KCMF1: variants seen among roughly 807,000 people sequenced by gnomAD.
The protein encoded by KCMF1 is potassium channel modulatory factor 1, also known as E3 ubiquitin-protein ligase KCMF1.
A neutral mutation model predicts 41.1 loss-of-function variants in KCMF1; 3 were observed. That is an observed-to-expected ratio of 0.07 (90% CI 0.03 to 0.19). The LOEUF (loss-of-function observed/expected upper bound fraction) is 0.19, where lower values mean the gene tolerates loss of function less well. Among genes scored for constraint, KCMF1 ranks in the 10% least tolerant of loss-of-function variants. The pLI, the probability that KCMF1 is intolerant of heterozygous loss-of-function variation, is 1.00. For synonymous variants in KCMF1, 142 were observed against 164.5 expected (o/e 0.86, Z 1.04); for missense variants, 286 against 488.9 (o/e 0.58, Z 3.91).
chr2:85,027,885 A>T lies in KCMF1; in HGVS notation c.17-4A>T, dbSNP rs1203397351. 5 of 1,577,504 alleles carry T rather than the reference A, an allele frequency of 3.2e-6. No individual in the cohort carries two copies. The Admixed American group carries it at 9.7e-5, about 31-fold the overall frequency. On this transcript the variant is annotated splice_polypyrimidine_tract_variant and splice_region_variant and intron_variant, in intron 1 of 6. Transcript: ENST00000409785. ...GTAACTAAAGATATTTCTTTTTTTTATAGGTGTCAGCTGTGATGCATGTTT... is the reference window on the plus strand; with the variant it reads ...GTAACTAAAGATATTTCTTTTTTTTTTAGGTGTCAGCTGTGATGCATGTTT...
At chr2:84,975,055 C>T (rs1399952845) in intron 1 of KCMF1, among the ~76,000 whole-genome samples, 1 of 152,122 alleles carries the variant, frequency 6.6e-6, no homozygotes, top group Non-Finnish European at 1.5e-5. Flanking sequence ...TGTCATTTGA[C>T]ACCCCCACCA....
intron 3 of KCMF1, among the ~76,000 whole-genome samples, chr2:85,041,635 T>C (rs1675537603): frequency 1.3e-5 from 2 of 152,194 alleles, no homozygotes; most frequent in South Asian, 4.1e-4. Context: ...TATACAGCCT[T>C]ATAATATTGT....
chr2:85,059,312 A>G lies in KCMF1; in HGVS notation c.*5903A>G, dbSNP rs1158329160. 6.6e-6 allele frequency: 1 copy of G among 152,238 alleles called. No homozygotes were observed. The highest frequency in any genetic ancestry group is 1.5e-5 in the Non-Finnish European group (1 of 68,042). 9.4% of individuals were successfully genotyped at this position (152,238 alleles called of 1,614,324 possible). A position where few individuals can be genotyped will look rare whatever the true frequency, so the allele number is the denominator to read the frequency against. On this transcript the variant is annotated 3_prime_UTR_variant, in exon 7 of 7. Transcript: ENST00000409785. Reference sequence around the variant, plus strand: ...CTCACGATTCAGACTTACCTTGGAAAATATCACACTGACGATACAGTACTT... The same window carrying G: ...CTCACGATTCAGACTTACCTTGGAAGATATCACACTGACGATACAGTACTT...
At chr2:84,979,921 C>T (rs1673663897) in intron 1 of KCMF1, among the ~76,000 whole-genome samples, 1 of 151,794 alleles carries the variant, frequency 6.6e-6, no homozygotes, top group Non-Finnish European at 1.5e-5. Flanking sequence ...CTCCCGGGTT[C>T]AAGTGTTTCT....
rs1298508417 is a variant in KCMF1 at position 84,973,199 on chromosome 2, T to G, written c.16+1732T>G. The stretch of plus-strand genomic sequence containing the variant: ...CCATGGAAGAGTGTTTCAGACCCAT[T>G]CTCCTTGGTCTAAGAAAGCATACAG... On this transcript the variant is annotated intron_variant, in intron 1 of 6. Transcript: ENST00000409785. 3.9e-5 allele frequency among the ~76,000 whole-genome samples: 6 copies of G among 152,158 alleles called. No homozygotes were observed. The East Asian group carries it at 1.2e-3, about 29-fold the overall frequency.
In KCMF1 at chr2:84,993,619, A is replaced by G. The variant is rs1220942312; in HGVS notation, c.16+22152A>G. Among the ~76,000 whole-genome samples the G allele has an allele frequency of 2.6e-5, 4 of 151,486 alleles. No homozygotes were observed. The East Asian group carries it at 7.7e-4, about 29-fold the overall frequency. On this transcript the variant is annotated intron_variant, in intron 1 of 6. Coordinates refer to ENST00000409785, the MANE Select transcript of KCMF1 (RefSeq NM_020122.5). The stretch of plus-strand genomic sequence containing the variant: ...AGATGCAATTTTACTCTTGTGCCCC[A>G]GGCTGGAGTGCAATGGTGCAGTCTC...
At position 85,017,183 on chromosome 2, in the gene KCMF1, C is replaced by T. The variant is rs914107049; in HGVS notation, c.17-10706C>T. ...GGGACTACAGGCGCCCGCCACTGCGCCCGGCTAATTTTTTTTGTATTTTTA... is the reference window on the plus strand; with the variant it reads ...GGGACTACAGGCGCCCGCCACTGCGTCCGGCTAATTTTTTTTGTATTTTTA... On this transcript the variant is annotated intron_variant, in intron 1 of 6. Transcript: ENST00000409785. 8.4e-4 allele frequency among the ~76,000 whole-genome samples: 127 copies of T among 152,022 alleles called. 1 individual carries two copies. Among genetic ancestry groups the T allele is most frequent in the African/African-American group, 3.0e-3 (125 of 41,504 alleles).
At chr2:85,006,975 C>T (rs1674486700) in intron 1 of KCMF1, among the ~76,000 whole-genome samples, 1 of 151,766 alleles carries the variant, frequency 6.6e-6, no homozygotes, top group Admixed American at 6.6e-5. Flanking sequence ...AGGCACATGC[C>T]TGTAATCCCA....
At chr2:84,975,344 A>G (rs894996059) in intron 1 of KCMF1, among the ~76,000 whole-genome samples, 2 of 152,162 alleles carry the variant, frequency 1.3e-5, no homozygotes, top group Admixed American at 6.5e-5. Flanking sequence ...AGCTTGAACT[A>G]TCAAGAGTCT....
At chr2:85,016,695 C>CT (rs747440965) in intron 1 of KCMF1, among the ~76,000 whole-genome samples, 8,949 of 142,954 alleles carry the variant, frequency 0.063, 312 homozygotes, top group Middle Eastern at 0.099. Flanking sequence ...TATAGTTTAT[C>CT]TTTTTTTTTT....
chr2:85,020,988 G>A (rs919747431), intron 1 of KCMF1, among the ~76,000 whole-genome samples: 7 of 152,210 alleles, frequency 4.6e-5, no homozygotes, highest in African/African-American at 1.7e-4. Flanking sequence ...TCCCACTTCA[G>A]CCTCCTGAGT....
intron 1 of KCMF1, among the ~76,000 whole-genome samples, chr2:84,976,096 A>G (rs7571294): frequency 0.018 from 2,781 of 152,230 alleles, 68 homozygotes; most frequent in African/African-American, 0.063. Flanking sequence ...TAAGGAAGGG[A>G]TAAACACTGA....
intron 1 of KCMF1, among the ~76,000 whole-genome samples, chr2:85,016,674 G>A (rs1324673351): frequency 1.3e-5 from 2 of 151,222 alleles, no homozygotes; most frequent in Non-Finnish European, 2.9e-5. Flanking sequence ...TTTTCACTGA[G>A]TTACTTATAC....
At chr2:85,050,889 C>T (rs1675792761) in intron 6 of KCMF1, among the ~76,000 whole-genome samples, 1 of 152,224 alleles carries the variant, frequency 6.6e-6, no homozygotes, top group Non-Finnish European at 1.5e-5. Flanking sequence ...TTGAAAATCC[C>T]TGGGCTAGAG....
chr2:84,982,389 C>CTTTTTTTTTTTTTTTTTTTTTTTTTTT (rs34687477), intron 1 of KCMF1, among the ~76,000 whole-genome samples: 1 of 47,254 alleles, frequency 2.1e-5, no homozygotes, highest in African/African-American at 8.9e-5. Context: ...TCCTTATTTT[C>CTTTTTTTTTTTTTTTTTTTTTTTTTTT]TTTTTTTTTT....
intron 1 of KCMF1, among the ~76,000 whole-genome samples, chr2:84,986,569 G>A (rs561363501): frequency 6.6e-6 from 1 of 152,156 alleles, no homozygotes; most frequent in South Asian, 2.1e-4. Context: ...ATGTTAGCAG[G>A]GGGAGTGAGG....
At chr2:84,994,556 G>A (rs1574012268) in intron 1 of KCMF1, among the ~76,000 whole-genome samples, 1 of 151,844 alleles carries the variant, frequency 6.6e-6, no homozygotes, top group East Asian at 1.9e-4. Context: ...GGCATGCGCC[G>A]CCACACCCAG....
chr2:85,029,674 A>G (rs948794886), intron 2 of KCMF1, among the ~76,000 whole-genome samples: 3 of 148,312 alleles, frequency 2.0e-5, no homozygotes, highest in Non-Finnish European at 3.0e-5. Flanking sequence ...GTTTCATGCT[A>G]TAATTTTTTT....
intron 1 of KCMF1, among the ~76,000 whole-genome samples, chr2:85,026,267 A>C (rs1675100371): frequency 6.6e-6 from 1 of 151,000 alleles, no homozygotes; most frequent in Non-Finnish European, 1.5e-5. Flanking sequence ...CTGAGATTAC[A>C]GGCGTGAGCC....
Sources: gnomAD v4.1 joint callset for allele counts (sites outside exome capture counted in the v4.1 genomes callset) on GRCh38, gnomAD v4.1.1 for gene constraint, MANE v1.5 for transcripts, NCBI Gene and HGNC (gene_info 2026-07-23, HGNC 2026-07-21) for gene names.